Variants in FBN2 observed in about 807,000 individuals in gnomAD.
FBN2 encodes the protein fibrillin 2, also known as fibrillin-2.
A neutral mutation model predicts 355.6 loss-of-function variants in FBN2; 105 were observed. That is an observed-to-expected ratio of 0.30 (90% CI 0.25 to 0.35). FBN2 has a LOEUF of 0.35. FBN2 is among the 10% of genes least tolerant of loss of function. FBN2 has a pLI of 1.00. For synonymous variants in FBN2, 1,350 were observed against 1,301.2 expected (o/e 1.04, Z -0.81); for missense variants, 3,280 against 3,758.7 (o/e 0.87, Z 3.33).
At chr5:128,456,822 CT>C (rs1192876779) in intron 6 of FBN2, among the ~76,000 whole-genome samples, 2 of 152,056 alleles carry the variant, frequency 1.3e-5, no homozygotes, top group African/African-American at 4.8e-5. Flanking sequence ...AAGACAGAAA[CT>C]AGACAAACAC....
chr5:128,351,792 C>T (rs1315390297), intron 20 of FBN2, among the ~76,000 whole-genome samples: 1 of 151,876 alleles, frequency 6.6e-6, no homozygotes, highest in Non-Finnish European at 1.5e-5. Flanking sequence ...TTTGGAACTC[C>T]AGGCCTCAAG....
chr5:128,282,628 G>C (rs951323317), intron 55 of FBN2, among the ~76,000 whole-genome samples: 5 of 152,078 alleles, frequency 3.3e-5, no homozygotes, highest in African/African-American at 1.2e-4. Context: ...GAATTACTGA[G>C]AAGAGGTTGA....
chr5:128,339,492 T>C (rs1750939388), intron 25 of FBN2, among the ~76,000 whole-genome samples: 1 of 151,960 alleles, frequency 6.6e-6, no homozygotes, highest in African/African-American at 2.4e-5. Context: ...GGAGGATTGC[T>C]TGAGCCCAAG....
chr5:128,330,757 T>A, intron 32 of FBN2, 62 bp from the exon 33 acceptor site: 2 of 1,577,592 alleles, frequency 1.3e-6, no homozygotes, highest in South Asian at 2.2e-5. Flanking sequence ...CTGGAAAGAT[T>A]ATCGTTTGTC....
chr5:128,273,870 A>C lies in FBN2; in HGVS notation c.7810T>G (p.Ser2604Ala). Residue 2604 changes from serine to alanine, a missense_variant, in exon 61 of 65, where the codon TCT (serine) becomes GCT (alanine). Transcript: ENST00000262464. ...CAGTTCAGTCCGGTGGCATCAAGAG[A>C]GAACCCTCTTTGGCATTCACAGCTG... ...SFSCECQRGF[S>A]LDATGLNCED... The C allele has an allele frequency of 5.6e-6, 9 of 1,613,936 alleles. No homozygotes were observed. The highest frequency in any genetic ancestry group is 7.6e-6 in the Non-Finnish European group (9 of 1,179,878).
At position 128,344,503 on chromosome 5, in the gene FBN2, A is replaced by G; in HGVS notation, c.3225T>C (p.Asn1075=). The change falls in exon 25 of 65, where the codon AAT becomes AAC. Residue 1075 remains asparagine (N), a synonymous_variant. Coordinates refer to ENST00000262464, the MANE Select transcript of FBN2 (RefSeq NM_001999.4). ...ACATCCCAGGAAATGCTTTGCATTC[A>G]TTGATGTCTAAAAGCAGAATGAAGC... The part of the protein sequence containing the change: ...LTGRPFYKDI[N]ECKAFPGMCT... 1 of 1,613,758 alleles carries G rather than the reference A, an allele frequency of 6.2e-7. No homozygotes were observed. The highest frequency in any genetic ancestry group is 1.3e-5 in the African/African-American group (1 of 75,012).
At chr5:128,437,819 T>TAGATAGATAGACAGACAGAC (rs758049803) in intron 7 of FBN2, among the ~76,000 whole-genome samples, 5 of 107,994 alleles carry the variant, frequency 4.6e-5, no homozygotes, top group African/African-American at 1.7e-4. Context: ...GATAGATAGA[T>TAGATAGATAGACAGACAGAC]AGACAGACAG....
chr5:128,520,023 A>G (rs1454285127), intron 4 of FBN2, among the ~76,000 whole-genome samples: 1 of 152,212 alleles, frequency 6.6e-6, no homozygotes, highest in East Asian at 1.9e-4. Flanking sequence ...AAAAAGGGAA[A>G]AAAAGCTGTG....
At chr5:128,471,007 T>C (rs564254608) in intron 5 of FBN2, among the ~76,000 whole-genome samples, 2 of 152,346 alleles carry the variant, frequency 1.3e-5, no homozygotes, top group African/African-American at 4.8e-5. Flanking sequence ...TACCTGATCT[T>C]GGAAAGTACA....
At chr5:128,325,883 A>G (rs996633539) in intron 34 of FBN2, among the ~76,000 whole-genome samples, 9 of 151,898 alleles carry the variant, frequency 5.9e-5, no homozygotes, top group South Asian at 2.1e-4. Flanking sequence ...ATTGGTCCCC[A>G]TTTCTTACTT....
At chr5:128,484,272 G>A (rs1374271324) in intron 5 of FBN2, among the ~76,000 whole-genome samples, 1 of 152,104 alleles carries the variant, frequency 6.6e-6, no homozygotes, top group African/African-American at 2.4e-5. Flanking sequence ...TTGCTTCTGA[G>A]CAAAAGTCAT....
intron 4 of FBN2, among the ~76,000 whole-genome samples, chr5:128,524,865 G>A (rs1756523464): frequency 6.6e-6 from 1 of 152,144 alleles, no homozygotes. Context: ...GAAACCTAGA[G>A]AACAAATGTT....
Position 128,308,768 on chromosome 5 carries a change from T to C in FBN2, c.5353+479A>G, listed in dbSNP as rs535453854. 2.0e-5 allele frequency among the ~76,000 whole-genome samples: 3 copies of C among 152,328 alleles called. No individual in the cohort carries two copies. In the East Asian group the frequency reaches 5.8e-4, roughly 29 times the overall value. Reference sequence around the variant, plus strand: ...GAGGAAGAAGATGTAAAAGGCACATTATGACAATGGGTTGCTTTTATGTAA... The same window carrying C: ...GAGGAAGAAGATGTAAAAGGCACATCATGACAATGGGTTGCTTTTATGTAA... On this transcript the variant is annotated intron_variant, in intron 41 of 64. Coordinates refer to ENST00000262464, the MANE Select transcript of FBN2 (RefSeq NM_001999.4).
chr5:128,499,688 T>C (rs1365522349), intron 5 of FBN2, among the ~76,000 whole-genome samples: 1 of 152,148 alleles, frequency 6.6e-6, no homozygotes, highest in Non-Finnish European at 1.5e-5. Flanking sequence ...TAGCCCAATG[T>C]CCTCATTTTT....
intron 5 of FBN2, among the ~76,000 whole-genome samples, chr5:128,489,741 T>A (rs1755447737): frequency 6.6e-6 from 1 of 152,142 alleles, no homozygotes; most frequent in South Asian, 2.1e-4. Context: ...AATTGACCCC[T>A]AAGGAAATAG....
intron 6 of FBN2, among the ~76,000 whole-genome samples, chr5:128,450,028 T>C (rs979057981): frequency 6.6e-6 from 1 of 152,106 alleles, no homozygotes; most frequent in Non-Finnish European, 1.5e-5. Context: ...ATTAAACTCC[T>C]GGAGCAAGGG....
chr5:128,303,218 C>A, intron 45 of FBN2, 129 bp from the exon 46 acceptor site: 1 of 677,286 alleles, frequency 1.5e-6, no homozygotes, highest in Non-Finnish European at 2.6e-6. Flanking sequence ...CTCATATCTA[C>A]TTGAGGAAAA....
At chr5:128,433,041 C>T (rs1042556716) in intron 7 of FBN2, among the ~76,000 whole-genome samples, 2 of 152,106 alleles carry the variant, frequency 1.3e-5, no homozygotes, top group East Asian at 3.8e-4. Flanking sequence ...CCCCCTGATC[C>T]AATCACCTCC....
chr5:128,422,250 AAAAG>A, intron 7 of FBN2, among the ~76,000 whole-genome samples: 1 of 152,344 alleles, frequency 6.6e-6, no homozygotes, highest in South Asian at 2.1e-4. Context: ...TATGACAGCA[AAAAG>A]AAACTAGTAT....
Sources: allele counts gnomAD v4.1 joint callset (sites outside exome capture counted in the v4.1 genomes callset), GRCh38; gene constraint gnomAD v4.1.1; transcripts MANE v1.5; gene names NCBI Gene and HGNC (gene_info 2026-07-23, HGNC 2026-07-21).